Variants in CCDC38 observed in about 807,000 individuals in gnomAD.
CCDC38 encodes the protein coiled-coil domain-containing protein 38.
In CCDC38, 69 loss-of-function variants were observed where a neutral mutation model predicts 72.8. The ratio of observed to expected loss-of-function variants is 0.95; its 90% CI spans 0.78 to 1.16. The LOEUF is 1.16. CCDC38 is among the 50% of genes most tolerant of loss of function. The pLI is 0.00. For synonymous variants in CCDC38, 201 were observed against 213.2 expected, an observed-to-expected ratio of 0.94 and a Z score of 0.50; for missense variants, 626 against 638.9, an observed-to-expected ratio of 0.98 and a Z score of 0.22.
chr12:95,928,562 C>G (rs1232794434), intron 2 of CCDC38, among the ~76,000 whole-genome samples: 2 of 152,238 alleles, frequency 1.3e-5, no homozygotes, highest in South Asian at 2.1e-4. Flanking sequence ...ATCCGTCCAG[C>G]TTTGTTCTGT....
intron 2 of CCDC38, among the ~76,000 whole-genome samples, chr12:95,924,917 G>C (rs111921568): frequency 0.083 from 11,354 of 136,258 alleles, 902 homozygotes; most frequent in East Asian, 0.44. Context: ...TTTGGTACCA[G>C]TACCATGCTG....
At chr12:95,876,051 TC>T (rs1380067784) in intron 13 of CCDC38, among the ~76,000 whole-genome samples, 1 of 152,136 alleles carries the variant, frequency 6.6e-6, no homozygotes, top group African/African-American at 2.4e-5. Context: ...CACTCAAGTG[TC>T]CATCAACAGA....
intron 10 of CCDC38, among the ~76,000 whole-genome samples, chr12:95,883,728 G>A (rs2121437536): frequency 6.6e-6 from 1 of 152,324 alleles, no homozygotes; most frequent in African/African-American, 2.4e-5. Flanking sequence ...AGGCCCTTGA[G>A]GGCAGAGATT....
chr12:95,903,000 A>G (rs1295039858), intron 5 of CCDC38, among the ~76,000 whole-genome samples: 2 of 152,156 alleles, frequency 1.3e-5, no homozygotes, highest in Non-Finnish European at 2.9e-5. Flanking sequence ...AAGATTTGGC[A>G]TCTCAGCAAT....
chr12:95,927,963 C>A lies in CCDC38; in HGVS notation c.37+8510G>T, dbSNP rs2080291445. On this transcript the variant is annotated intron_variant, in intron 2 of 15. Coordinates refer to ENST00000344280, the MANE Select transcript of CCDC38 (RefSeq NM_182496.3). ...GTAACCCGACCTTTCTCTCTGGCTG[C>A]CCTTAACATTTTTTCCTTCATTTCA... Among the ~76,000 whole-genome samples, 3 of 149,260 alleles carry A rather than the reference C, an allele frequency of 2.0e-5. No homozygotes were observed. In the South Asian group the frequency reaches 6.5e-4, roughly 33 times the overall value.
intron 13 of CCDC38, 111 bp downstream of exon 13, chr12:95,878,100 T>C (rs1485970437): frequency 4.6e-5 from 58 of 1,250,260 alleles, no homozygotes; most frequent in Non-Finnish European, 6.2e-5. Flanking sequence ...CTGTCATCAA[T>C]CTAGGACTTG....
chr12:95,872,767 G>C (rs902439062), intron 13 of CCDC38, among the ~76,000 whole-genome samples: 2 of 152,200 alleles, frequency 1.3e-5, no homozygotes, highest in Non-Finnish European at 2.9e-5. Context: ...TGGAGCTGGG[G>C]CTTCACCGTG....
At chr12:95,940,896 A>C (rs1281272015) in intron 1 of CCDC38, among the ~76,000 whole-genome samples, 3 of 152,060 alleles carry the variant, frequency 2.0e-5, no homozygotes, top group East Asian at 1.9e-4. Context: ...ACAAACAAAA[A>C]AAAAAACTGG....
intron 7 of CCDC38, among the ~76,000 whole-genome samples, chr12:95,896,987 C>CG (rs954529754): frequency 2.6e-5 from 4 of 152,130 alleles, no homozygotes; most frequent in Non-Finnish European, 5.9e-5. Flanking sequence ...CTAATTGCAT[C>CG]GGGGGTGAAA....
chr12:95,917,116 A>G lies in CCDC38; in HGVS notation c.304+13T>C. On this transcript the variant is annotated intron_variant, in intron 4 of 15. Coordinates refer to ENST00000344280, the MANE Select transcript of CCDC38 (RefSeq NM_182496.3). The stretch of plus-strand genomic sequence containing the variant: ...ATTCAAAATGATGTTCTTAAAGAGT[A>G]ATTTAGACTCACCTTCTATTAATCT... The G allele has an allele frequency of 6.4e-7, 1 of 1,567,204 alleles. No homozygotes were observed. Among genetic ancestry groups the G allele is most frequent in the South Asian group, 1.2e-5 (1 of 83,110 alleles).
At chr12:95,922,401 T>A (rs1411157670) in intron 2 of CCDC38, among the ~76,000 whole-genome samples, 2 of 152,210 alleles carry the variant, frequency 1.3e-5, no homozygotes, top group Admixed American at 6.5e-5. Context: ...GGAATTGCAC[T>A]CAGGAGCACA....
intron 5 of CCDC38, among the ~76,000 whole-genome samples, chr12:95,904,897 AAAGGCCAGACTCTTTCTGGAC>A (rs1408205325): frequency 6.6e-6 from 1 of 152,236 alleles, no homozygotes; most frequent in Non-Finnish European, 1.5e-5. Context: ...AGTCAAGAGC[AAAGGCCAGACTCTTTCTGGAC>A]AAGGCCAGAT....
chr12:95,908,828 A>AAACAG (rs2080059722), intron 4 of CCDC38, among the ~76,000 whole-genome samples: 1 of 151,946 alleles, frequency 6.6e-6, no homozygotes, highest in Non-Finnish European at 1.5e-5. Context: ...CTCATAAACC[A>AAACAG]AACTTCTGTC....
At chr12:95,912,077 A>T (rs971813442) in intron 4 of CCDC38, among the ~76,000 whole-genome samples, 13 of 152,242 alleles carry the variant, frequency 8.5e-5, no homozygotes, top group Middle Eastern at 3.2e-3. Flanking sequence ...ACATGGATAG[A>T]GCTGGAAGTC....
chr12:95,870,147 TC>T (rs1430378584), intron 14 of CCDC38, among the ~76,000 whole-genome samples: 5 of 152,208 alleles, frequency 3.3e-5, no homozygotes, highest in African/African-American at 1.2e-4. Context: ...AGCTACTTGT[TC>T]CTCTTTTTAA....
chr12:95,898,702 GA>G lies in CCDC38; in HGVS notation c.398del (p.Ile133ThrfsTer8). On this transcript the variant is annotated frameshift_variant, in exon 6 of 16. Coordinates refer to ENST00000344280, the MANE Select transcript of CCDC38 (RefSeq NM_182496.3). LOFTEE classifies it high-confidence loss of function. ...EYALSTKRNT[I>X]KKFEKDIAMR... ...TTGCTATGTCTTTTTCAAACTTTTT[GA>G]TTGTGTTTCTTTTGGTTGACAAAGC... 6.2e-7 allele frequency: 1 copy of G among 1,613,730 alleles called. No homozygotes were observed. The highest frequency in any genetic ancestry group is 8.5e-7 in the Non-Finnish European group (1 of 1,179,944).
rs564867336 is a variant in CCDC38, at chr12:95,896,228, G to A, written c.615-1082C>T. Among the ~76,000 whole-genome samples the A allele has an allele frequency of 5.3e-5, 8 of 152,238 alleles. No individual in the cohort carries two copies. In the South Asian group the frequency reaches 1.7e-3, roughly 32 times the overall value. On this transcript the variant is annotated intron_variant, in intron 7 of 15. Transcript: ENST00000344280. Reference sequence around the variant, plus strand: ...ACTATTATTCTTATCTTGGAAAGGAGATGTAAATGGTAGAGCCAGCACTCA... The same window carrying A: ...ACTATTATTCTTATCTTGGAAAGGAAATGTAAATGGTAGAGCCAGCACTCA...
intron 15 of CCDC38, among the ~76,000 whole-genome samples, chr12:95,869,161 T>C (rs1168434353): frequency 6.6e-6 from 1 of 152,228 alleles, no homozygotes; most frequent in African/African-American, 2.4e-5. Context: ...AATACTCTTG[T>C]ATCTTTTGAA....
Position 95,888,994 on chromosome 12 carries a change from A to T in CCDC38, c.872-488T>A, listed in dbSNP as rs2079792099. 2.4e-5 allele frequency: 4 copies of T among 168,654 alleles called. No individual in the cohort carries two copies. The South Asian group carries it at 3.9e-4, about 17-fold the overall frequency. 10.4% of individuals were successfully genotyped at this position (168,654 alleles called of 1,614,324 possible). ...AAATGGATGAAGAAGAACCAATCAG[A>T]TGGGTCCCATCACCATCTTATTATT... On this transcript the variant is annotated intron_variant, in intron 9 of 15. Transcript: ENST00000344280.
Sources: allele counts gnomAD v4.1 joint callset (sites outside exome capture counted in the v4.1 genomes callset), GRCh38; gene constraint gnomAD v4.1.1; transcripts MANE v1.5; gene names NCBI Gene and HGNC (gene_info 2026-07-23, HGNC 2026-07-21).